SMURF2: variants seen among roughly 807,000 people sequenced by gnomAD.
The protein encoded by SMURF2 is SMAD specific E3 ubiquitin protein ligase 2.
Under a neutral mutation model 109.6 loss-of-function variants are expected in SMURF2, and 48 were observed. That is an observed-to-expected ratio of 0.44 (90% CI 0.35 to 0.56). The LOEUF (loss-of-function observed/expected upper bound fraction) is 0.56, where lower values mean the gene tolerates loss of function less well. Ranked by LOEUF, SMURF2 falls within the 20% of genes least tolerant of loss-of-function variation. SMURF2 has a pLI of 0.01. For synonymous variants in SMURF2, 288 were observed against 317.1 expected, an observed-to-expected ratio of 0.91 and a Z score of 0.97; for missense variants, 575 against 909.0, an observed-to-expected ratio of 0.63 and a Z score of 4.72.
rs149734616 is a variant in SMURF2 at position 64,634,903 on chromosome 17, A to G, written c.52+26926T>C. On this transcript the variant is annotated intron_variant, in intron 1 of 18. Coordinates refer to ENST00000262435, the MANE Select transcript of SMURF2 (RefSeq NM_022739.4). ...GCACAGAATTGGGTATTGACAGCCA[A>G]TATTCAATTTAGAATGAGAAAATAA... Among the ~76,000 whole-genome samples the G allele has an allele frequency of 1.7e-3, 263 of 152,316 alleles. 1 individual carries two copies. Among genetic ancestry groups the G allele is most frequent in the African/African-American group, 6.0e-3 (251 of 41,564 alleles).
Position 64,547,802 on chromosome 17 carries a change from C to A in SMURF2, c.1870-1G>T. On this transcript the variant is annotated splice_acceptor_variant, in intron 16 of 18. Transcript: ENST00000262435. LOFTEE classifies it high-confidence loss of function. This position sits in a 1 kb window ranked among gnomAD's most constrained non-coding sequence, Gnocchi z 4.2. ...TCTTTCCAAGTCCACAAATAATGAG[C>A]TGTGAAAATAGTACACAGTAATGAA... 6.2e-7 allele frequency: 1 copy of A among 1,614,118 alleles called. No homozygotes were observed. Among genetic ancestry groups the A allele is most frequent in the Non-Finnish European group, 8.5e-7 (1 of 1,179,956 alleles).
chr17:64,573,491 A>G (rs1263530702), intron 9 of SMURF2, among the ~76,000 whole-genome samples: 1 of 152,142 alleles, frequency 6.6e-6, no homozygotes, highest in African/African-American at 2.4e-5. Context: ...GACTTCTGCT[A>G]TAGGTGTTCC....
intron 10 of SMURF2, among the ~76,000 whole-genome samples, chr17:64,567,377 C>T (rs1379367766): frequency 1.3e-5 from 2 of 150,226 alleles, no homozygotes; most frequent in Middle Eastern, 3.2e-3. Context: ...CAAGTTACTT[C>T]CTGTCATTTA....
rs2872314 is a variant in SMURF2 at position 64,545,734 on chromosome 17, G to C, written c.*114C>G. Reference sequence around the variant, plus strand: ...TAAAATGTAAAAAAAAAAAAAAAAAGGGGGGGGGGGGGAGTGTTTTCCTGT... The same window carrying C: ...TAAAATGTAAAAAAAAAAAAAAAAACGGGGGGGGGGGGAGTGTTTTCCTGT... On this transcript the variant is annotated 3_prime_UTR_variant, in exon 19 of 19. Transcript: ENST00000262435. 4.3e-5 allele frequency: 1 copy of C among 23,408 alleles called. No homozygotes were observed. The allele number at this position is 23,408 out of a possible 1,614,324, so 1.5% of individuals were successfully genotyped here.
chr17:64,596,585 C>CAAAAAAAAAA (rs201858792), intron 3 of SMURF2, among the ~76,000 whole-genome samples: 2 of 45,466 alleles, frequency 4.4e-5, no homozygotes, highest in Non-Finnish European at 1.0e-4. Context: ...GGAGAGTAAA[C>CAAAAAAAAAA]AAAAAAAAAA....
At chr17:64,596,469 T>C (rs1362115502) in intron 3 of SMURF2, among the ~76,000 whole-genome samples, 7 of 149,314 alleles carry the variant, frequency 4.7e-5, no homozygotes, top group African/African-American at 1.7e-4. Context: ...TCAAACCATA[T>C]CAAAAGATAA....
intron 1 of SMURF2, among the ~76,000 whole-genome samples, chr17:64,618,161 G>A (rs533183584): frequency 6.6e-5 from 10 of 152,220 alleles, no homozygotes; most frequent in Admixed American, 3.3e-4. Flanking sequence ...GGCTGGGTGC[G>A]GTGGCTTACG....
chr17:64,651,496 C>T (rs1461300756), intron 1 of SMURF2, among the ~76,000 whole-genome samples: 4 of 150,962 alleles, frequency 2.6e-5, no homozygotes, highest in Non-Finnish European at 5.9e-5. Flanking sequence ...TGCTTGAACC[C>T]AGGAGGTGGA....
In SMURF2 at chr17:64,545,172, T is replaced by C. The variant is rs1416978160; in HGVS notation, c.*676A>G. ...TAGACTAAATGGTTGCATTAGGAATTTGACAACCAAAATTATATCGCTGTA... is the reference window on the plus strand; with the variant it reads ...TAGACTAAATGGTTGCATTAGGAATCTGACAACCAAAATTATATCGCTGTA... On this transcript the variant is annotated 3_prime_UTR_variant, in exon 19 of 19. Coordinates refer to ENST00000262435, the MANE Select transcript of SMURF2 (RefSeq NM_022739.4). 1 of 152,484 alleles carries C rather than the reference T, an allele frequency of 6.6e-6. No homozygotes were observed. The highest frequency in any genetic ancestry group is 1.5e-5 in the Non-Finnish European group (1 of 68,012). The allele number at this position is 152,484 out of a possible 1,614,324, so 9.4% of individuals were successfully genotyped here.
intron 1 of SMURF2, among the ~76,000 whole-genome samples, chr17:64,645,495 G>A (rs575142193): frequency 6.6e-6 from 1 of 152,284 alleles, no homozygotes; most frequent in South Asian, 2.1e-4. Context: ...TAAGGCTGCA[G>A]TGTGTTATGT....
intron 1 of SMURF2, among the ~76,000 whole-genome samples, chr17:64,656,880 A>C (rs1358525698): frequency 1.3e-5 from 2 of 152,080 alleles, no homozygotes; most frequent in East Asian, 3.8e-4. Context: ...AAATATATTA[A>C]AGCTTAAAAT....
At chr17:64,569,064 G>A (rs1228445928) in intron 10 of SMURF2, among the ~76,000 whole-genome samples, 13 of 151,808 alleles carry the variant, frequency 8.6e-5, no homozygotes, top group Admixed American at 2.6e-4. Context: ...TTGGGAGGCC[G>A]AGGCGGGCAG....
At chr17:64,591,360 TTAA>T (rs1969749359) in intron 4 of SMURF2, among the ~76,000 whole-genome samples, 1 of 152,210 alleles carries the variant, frequency 6.6e-6, no homozygotes, top group South Asian at 2.1e-4. Context: ...AGTCTGAGTC[TTAA>T]TAATTGTTGG....
rs1969305868 is a variant in SMURF2 at position 64,566,561 on chromosome 17, G to GTTTGTTTTT, written c.1017-3596_1017-3595insAAAAACAAA. On this transcript the variant is annotated intron_variant, in intron 10 of 18. Coordinates refer to ENST00000262435, the MANE Select transcript of SMURF2 (RefSeq NM_022739.4). ...GATGTAGAAATGCTTAAGCTTTCTG[G>GTTTGTTTTT]TTTTTTTTTTTTTTTTTTTTTTTTT... Among the ~76,000 whole-genome samples, 85 of 43,808 alleles carry GTTTGTTTTT rather than the reference G, an allele frequency of 1.9e-3. 5 individuals are homozygous for GTTTGTTTTT. The highest frequency in any genetic ancestry group is 6.3e-3 in the African/African-American group (84 of 13,316). The allele number at this position is 43,808 out of a possible 152,430, so 28.7% of individuals were successfully genotyped here. A position where few individuals can be genotyped will look rare whatever the true frequency, so the allele number is the denominator to read the frequency against.
intron 1 of SMURF2, among the ~76,000 whole-genome samples, chr17:64,634,863 G>C (rs1970394828): frequency 1.3e-5 from 2 of 152,094 alleles, no homozygotes; most frequent in Admixed American, 1.3e-4. Context: ...AGAGTTTGGA[G>C]GCTCCATTTT....
At chr17:64,589,014 G>A (rs1307174471) in intron 5 of SMURF2, among the ~76,000 whole-genome samples, 4 of 152,100 alleles carry the variant, frequency 2.6e-5, no homozygotes, top group African/African-American at 9.7e-5. Flanking sequence ...TTGTTAGAGG[G>A]CTCATTCTGA....
chr17:64,568,756 C>T (rs1302217318), intron 10 of SMURF2, among the ~76,000 whole-genome samples: 2 of 152,088 alleles, frequency 1.3e-5, no homozygotes, highest in African/African-American at 4.8e-5. Flanking sequence ...AATCCCAGCA[C>T]TTTGGGAGGC....
At chr17:64,582,810 G>T (rs2144640120) in intron 7 of SMURF2, among the ~76,000 whole-genome samples, 1 of 152,172 alleles carries the variant, frequency 6.6e-6, no homozygotes, top group South Asian at 2.1e-4. Flanking sequence ...TGTTGGTCAG[G>T]CTGGTCTTGA....
At chr17:64,565,864 A>T (rs1271749219) in intron 10 of SMURF2, among the ~76,000 whole-genome samples, 5 of 152,086 alleles carry the variant, frequency 3.3e-5, no homozygotes. Context: ...AAGCAAAGGA[A>T]ATAAAAAAAA....
Sources: allele counts gnomAD v4.1 joint callset (sites outside exome capture counted in the v4.1 genomes callset), GRCh38; gene constraint gnomAD v4.1.1; non-coding constraint Gnocchi (gnomAD v3.1); transcripts MANE v1.5; gene names NCBI Gene and HGNC (gene_info 2026-07-23, HGNC 2026-07-21).